DOK6: variants seen among roughly 807,000 people sequenced by gnomAD.
DOK6 encodes docking protein 6.
In DOK6, 22 loss-of-function variants were observed where a neutral mutation model predicts 44.0. The observed-to-expected ratio is 0.50, with a 90% CI of 0.36 to 0.71. DOK6 has a LOEUF of 0.71. DOK6 is among the 30% of genes least tolerant of loss of function. The pLI is 0.00. For synonymous variants in DOK6, 166 were observed against 145.5 expected (o/e 1.14, Z -1.01); for missense variants, 340 against 416.4 (o/e 0.82, Z 1.60).
chr18:69,597,567 G>A (rs1315705976), intron 2 of DOK6, among the ~76,000 whole-genome samples: 2 of 152,156 alleles, frequency 1.3e-5, no homozygotes, highest in African/African-American at 2.4e-5. Context: ...AGCAGTTTAG[G>A]GCTGCACTTG....
intron 1 of DOK6, among the ~76,000 whole-genome samples, chr18:69,497,007 G>A (rs1980909628): frequency 6.6e-6 from 1 of 152,144 alleles, no homozygotes; most frequent in Non-Finnish European, 1.5e-5. Flanking sequence ...ATTGTTCTAA[G>A]CATATTACTA....
intron 6 of DOK6, among the ~76,000 whole-genome samples, chr18:69,754,464 A>C (rs1979290905): frequency 9.7e-6 from 1 of 102,664 alleles, no homozygotes; most frequent in Non-Finnish European, 2.4e-5. Flanking sequence ...AACAAAATTA[A>C]GAATTGCTGG....
intron 1 of DOK6, among the ~76,000 whole-genome samples, chr18:69,505,941 C>T (rs1006278889): frequency 1.3e-5 from 2 of 151,262 alleles, no homozygotes; most frequent in Non-Finnish European, 2.9e-5. Context: ...TGGACACTTA[C>T]CCATATGCTT....
intron 7 of DOK6, among the ~76,000 whole-genome samples, chr18:69,794,139 A>C (rs1980677135): frequency 6.6e-6 from 1 of 152,100 alleles, no homozygotes; most frequent in African/African-American, 2.4e-5. Flanking sequence ...TATGTGTCTT[A>C]TGGTGGTCAT....
intron 1 of DOK6, among the ~76,000 whole-genome samples, chr18:69,449,261 A>G (rs965661665): frequency 6.6e-6 from 1 of 152,220 alleles, no homozygotes; most frequent in Non-Finnish European, 1.5e-5. Context: ...TCACTTAAGA[A>G]TAATCAAGTT....
At chr18:69,696,670 C>A (rs1021101827) in intron 4 of DOK6, among the ~76,000 whole-genome samples, 1 of 152,146 alleles carries the variant, frequency 6.6e-6, no homozygotes, top group Non-Finnish European at 1.5e-5. Context: ...GATTGATGTT[C>A]GGGCCTTGTG....
chr18:69,727,939 A>G lies in DOK6; in HGVS notation c.600-11026A>G, dbSNP rs59039391. ...TATGTAGTTTGATGTTTAAACACAC[A>G]AAAATCTTACATGACCTTATGGAAT... On this transcript the variant is annotated intron_variant, in intron 5 of 7. Coordinates refer to ENST00000382713, the MANE Select transcript of DOK6 (RefSeq NM_152721.6). Among the ~76,000 whole-genome samples, 615 of 152,318 alleles carry G rather than the reference A, an allele frequency of 4.0e-3. 2 individuals carry two copies. Among genetic ancestry groups the G allele is most frequent in the African/African-American group, 0.013 (560 of 41,562 alleles).
intron 1 of DOK6, among the ~76,000 whole-genome samples, chr18:69,439,836 T>C (rs1479674941): frequency 6.6e-6 from 1 of 152,246 alleles, no homozygotes; most frequent in East Asian, 1.9e-4. Flanking sequence ...ATTCATGTGT[T>C]CACTGTAGTA....
At chr18:69,534,482 T>C (rs1982066753) in intron 1 of DOK6, among the ~76,000 whole-genome samples, 1 of 152,182 alleles carries the variant, frequency 6.6e-6, no homozygotes, top group South Asian at 2.1e-4. Context: ...CTTATTATTC[T>C]ATATTTGCTT....
intron 7 of DOK6, among the ~76,000 whole-genome samples, chr18:69,808,001 C>A (rs185563748): frequency 6.6e-6 from 1 of 151,906 alleles, no homozygotes; most frequent in Admixed American, 6.6e-5. Flanking sequence ...ATACATTTTT[C>A]TAAGCACACA....
chr18:69,413,826 A>C (rs1314044696), intron 1 of DOK6, among the ~76,000 whole-genome samples: 1 of 151,908 alleles, frequency 6.6e-6, no homozygotes, highest in Non-Finnish European at 1.5e-5. Flanking sequence ...TACTGGCAGA[A>C]AATACTTAAG....
intron 6 of DOK6, among the ~76,000 whole-genome samples, chr18:69,755,598 C>T (rs1979329826): frequency 6.6e-6 from 1 of 152,170 alleles, no homozygotes. Flanking sequence ...ATCTTTTCTC[C>T]TAATAATCCT....
At chr18:69,660,119 C>T (rs759762728) in intron 3 of DOK6, 7 of 151,992 alleles carry the variant, frequency 4.6e-5, no homozygotes, top group Non-Finnish European at 8.8e-5. Flanking sequence ...TTGGAAGCAG[C>T]TTCCATGCAT....
At chr18:69,745,690 G>A (rs780529620) in intron 6 of DOK6, among the ~76,000 whole-genome samples, 12 of 152,276 alleles carry the variant, frequency 7.9e-5, no homozygotes, top group Middle Eastern at 3.4e-3. Context: ...GGCAAGTTAC[G>A]TTCTCTGTGC....
rs561761729 is a variant in DOK6 at position 69,461,599 on chromosome 18, C to T, written c.66+60289C>T. ...ATTTAATCTATTAATGTTATGCTTT[C>T]CTCCAATCTTTATATTATTTATCTC... On this transcript the variant is annotated intron_variant, in intron 1 of 7. Coordinates refer to ENST00000382713, the MANE Select transcript of DOK6 (RefSeq NM_152721.6). Among the ~76,000 whole-genome samples the T allele has an allele frequency of 1.1e-4, 16 of 152,236 alleles. No homozygotes were observed. The East Asian group carries it at 3.1e-3, about 29-fold the overall frequency.
intron 1 of DOK6, among the ~76,000 whole-genome samples, chr18:69,514,707 G>C (rs1203062842): frequency 8.0e-6 from 1 of 124,486 alleles, no homozygotes; most frequent in Non-Finnish European, 1.9e-5. Context: ...AATTTGGGTA[G>C]GTTTTTTGTT....
At chr18:69,434,565 CGG>C (rs1978894480) in intron 1 of DOK6, among the ~76,000 whole-genome samples, 1 of 146,522 alleles carries the variant, frequency 6.8e-6, no homozygotes. Context: ...CAGAGGCGGG[CGG>C]ATCACGAGGT....
chr18:69,564,381 A>T (rs1982919038), intron 1 of DOK6, 106 bp from the exon 2 acceptor site: 1 of 792,016 alleles, frequency 1.3e-6, no homozygotes, highest in Non-Finnish European at 2.0e-6. Context: ...AATCAAAAAC[A>T]GTTCCTCTCT....
chr18:69,657,317 A>G (rs1033618168), intron 3 of DOK6, among the ~76,000 whole-genome samples: 8 of 152,272 alleles, frequency 5.3e-5, no homozygotes, highest in African/African-American at 1.9e-4. Context: ...CAACAGTGAC[A>G]CGTGCCACAT....
Sources: allele counts gnomAD v4.1 joint callset (sites outside exome capture counted in the v4.1 genomes callset), GRCh38; gene constraint gnomAD v4.1.1; transcripts MANE v1.5; gene names NCBI Gene and HGNC (gene_info 2026-07-23, HGNC 2026-07-21).